Variants in MPV17L observed in about 807,000 individuals in gnomAD.
The protein encoded by MPV17L is MPV17 mitochondrial inner membrane protein like, also known as mpv17-like protein.
Under a neutral mutation model 25.8 loss-of-function variants are expected in MPV17L, and 24 were observed. That is an observed-to-expected ratio of 0.93 (90% CI 0.67 to 1.31). The LOEUF (loss-of-function observed/expected upper bound fraction) is 1.31, where lower values mean the gene tolerates loss of function less well. Ranked by LOEUF, MPV17L falls within the 50% of genes most tolerant of loss-of-function variation. MPV17L has a pLI of 0.00. For missense variants in MPV17L, 250 were observed against 265.6 expected (o/e 0.94, Z 0.41); for synonymous variants, 102 against 115.3 (o/e 0.88, Z 0.74).
rs1421654170 is a variant in MPV17L at position 15,396,114 on chromosome 16, G to T, written c.217G>T (p.Ala73Ser). Residue 73 changes from alanine (A) to serine (S), a missense_variant, in exon 1 of 4, where the codon GCG (alanine) becomes TCG (serine). Ala to Ser is a moderately conservative substitution (Grantham distance 99). Transcript: ENST00000396385. ...NYVWLRLLER[A>S]LPGRAPHALL... ...CGTGTGGCTGCGCCTGCTGGAGCGC[G>T]CGCTCCCGGGCCGAGCGCCGCACGC... is the stretch of plus-strand genomic sequence containing the variant. 2 of 1,545,274 alleles carry T rather than the reference G, an allele frequency of 1.3e-6. No homozygotes were observed. Among genetic ancestry groups the T allele is most frequent in the South Asian group, 1.2e-5 (1 of 83,944 alleles).
At chr16:15,406,240 G>A (rs540195408) in intron 2 of MPV17L, among the ~76,000 whole-genome samples, 11 of 151,288 alleles carry the variant, frequency 7.3e-5, no homozygotes, top group African/African-American at 2.4e-4. Context: ...GTATATATAC[G>A]TATATATGTA....
intron 1 of MPV17L, among the ~76,000 whole-genome samples, chr16:15,398,053 T>C (rs1235234504): frequency 6.6e-6 from 1 of 152,148 alleles, no homozygotes; most frequent in African/African-American, 2.4e-5. Context: ...TTTTCTTCTT[T>C]TTTTTTTGAG....
At chr16:15,404,962 T>G (rs966812488) in intron 2 of MPV17L, among the ~76,000 whole-genome samples, 1 of 152,148 alleles carries the variant, frequency 6.6e-6, no homozygotes, top group African/African-American at 2.4e-5. Flanking sequence ...TTTTTAGCGC[T>G]CACATGTCCC....
intron 2 of MPV17L, among the ~76,000 whole-genome samples, chr16:15,403,883 TTTA>T (rs2050659794): frequency 6.6e-6 from 1 of 152,000 alleles, no homozygotes; most frequent in Non-Finnish European, 1.5e-5. Context: ...GAAGATTTCC[TTTA>T]AAGAGGCAGG....
In MPV17L at chr16:15,401,058, G is replaced by A. The variant is rs868128904; in HGVS notation, c.381+201G>A. The stretch of plus-strand genomic sequence containing the variant: ...TCAGGATTTTTTTGTATGTGTGTGT[G>A]TATATATATATATATATATATATAT... On this transcript the variant is annotated intron_variant, in intron 2 of 3. Coordinates refer to ENST00000396385, the MANE Select transcript of MPV17L (RefSeq NM_001128423.2). 7.5e-3 allele frequency among the ~76,000 whole-genome samples: 330 copies of A among 44,264 alleles called. 5 individuals carry two copies. The highest frequency in any genetic ancestry group is 0.033 in the African/African-American group (321 of 9,676). The allele number at this position is 44,264 out of a possible 152,430, so 29.0% of individuals were successfully genotyped here. A position where few individuals can be genotyped will look rare whatever the true frequency, so the allele number is the denominator to read the frequency against.
intron 2 of MPV17L, among the ~76,000 whole-genome samples, chr16:15,407,299 C>T (rs1203954119): frequency 1.3e-5 from 2 of 151,842 alleles, no homozygotes; most frequent in Admixed American, 1.3e-4. Context: ...AGCTTTTTTC[C>T]CCACAACTCC....
intron 1 of MPV17L, among the ~76,000 whole-genome samples, chr16:15,397,320 G>C (rs1372273359): frequency 6.6e-6 from 1 of 152,178 alleles, no homozygotes. Flanking sequence ...GTAATGAGGA[G>C]AGTTAACTTG....
At chr16:15,405,608 C>T (rs1286887670) in intron 2 of MPV17L, among the ~76,000 whole-genome samples, 4 of 151,704 alleles carry the variant, frequency 2.6e-5, no homozygotes, top group African/African-American at 4.8e-5. Flanking sequence ...GCAATCACGT[C>T]CTGCTAATTT....
intron 1 of MPV17L, among the ~76,000 whole-genome samples, chr16:15,400,440 T>C (rs1274359492): frequency 1.4e-5 from 2 of 145,790 alleles, no homozygotes; most frequent in East Asian, 2.2e-4. Context: ...AGCCTCCACC[T>C]CCCAGGCTCA....
Position 15,407,853 on chromosome 16 carries a change from G to C in MPV17L, c.411G>C (p.Gln137His), listed in dbSNP as rs1232755917. Residue 137 changes from glutamine to histidine, a missense_variant and splice_region_variant, in exon 3 of 4, where the codon CAG becomes CAC. Coordinates refer to ENST00000396385, the MANE Select transcript of MPV17L (RefSeq NM_001128423.2). ...GACTGATGTACTGGCCCTTTGTACA[G>C]GTAAGTTCCACCTACTCAGTAATAT... ...LSGLMYWPFV[Q>H]LTNFSLVPVQ... 10 of 1,612,716 alleles carry C rather than the reference G, an allele frequency of 6.2e-6. No individual in the cohort carries two copies. The highest frequency in any genetic ancestry group is 8.5e-6 in the Non-Finnish European group (10 of 1,179,886).
intron 2 of MPV17L, among the ~76,000 whole-genome samples, chr16:15,404,670 A>G (rs2050665797): frequency 6.6e-6 from 1 of 152,110 alleles, no homozygotes. Context: ...AAAATACAAA[A>G]AATTAGCCAG....
At chr16:15,401,077 TATATA>T (rs1291332325) in intron 2 of MPV17L, among the ~76,000 whole-genome samples, 2,788 of 45,846 alleles carry the variant, frequency 0.061, 111 homozygotes, top group Non-Finnish European at 0.1. Context: ...TATATATATA[TATATA>T]TATATTTTTT....
At position 15,411,669 on chromosome 16, in the gene MPV17L, G is replaced by T. The variant is rs2050734842; in HGVS notation, c.*3557G>T. On this transcript the variant is annotated 3_prime_UTR_variant, in exon 4 of 4. Transcript: ENST00000396385. The stretch of plus-strand genomic sequence containing the variant: ...GAGATTTAAATAATAACAATTATAA[G>T]AAGGCTGGGCGCGGTGGCTCATGCT... 1 of 152,082 alleles carries T rather than the reference G, an allele frequency of 6.6e-6. No homozygotes were observed. Among genetic ancestry groups the T allele is most frequent in the Admixed American group, 6.6e-5 (1 of 15,252 alleles). 9.4% of individuals were successfully genotyped at this position (152,082 alleles called of 1,614,324 possible).
At chr16:15,401,056 GTGTATATA>G (rs2050630830) in intron 2 of MPV17L, among the ~76,000 whole-genome samples, 199 bp downstream of exon 2, 3 of 49,044 alleles carry the variant, frequency 6.1e-5, no homozygotes, top group East Asian at 5.8e-4. Context: ...GTATGTGTGT[GTGTATATA>G]TATATATATA....
At chr16:15,397,016 C>G (rs552915366) in intron 1 of MPV17L, among the ~76,000 whole-genome samples, 93 of 152,074 alleles carry the variant, frequency 6.1e-4, no homozygotes, top group Non-Finnish European at 1.1e-3. Flanking sequence ...CTGAAAAATA[C>G]CGGGGTTCAT....
At chr16:15,396,789 C>G (rs2050589994) in intron 1 of MPV17L, among the ~76,000 whole-genome samples, 1 of 152,080 alleles carries the variant, frequency 6.6e-6, no homozygotes, top group African/African-American at 2.4e-5. Flanking sequence ...AATTCATGCC[C>G]AGGGGCCTAG....
At chr16:15,400,992 T>G (rs1194776951) in intron 2 of MPV17L, 135 bp downstream of exon 2, 1 of 459,156 alleles carries the variant, frequency 2.2e-6, no homozygotes, top group African/African-American at 2.1e-5. Flanking sequence ...TAAGTACATA[T>G]TTTCATATAC....
At chr16:15,397,296 A>T (rs1178726233) in intron 1 of MPV17L, among the ~76,000 whole-genome samples, 1 of 152,118 alleles carries the variant, frequency 6.6e-6, no homozygotes. Flanking sequence ...TCCCGGGGTG[A>T]AGACTTTAGC....
At chr16:15,401,058 G>GTATATATATATATATATA (rs548012835) in intron 2 of MPV17L, among the ~76,000 whole-genome samples, 9 of 44,250 alleles carry the variant, frequency 2.0e-4, no homozygotes, top group Admixed American at 5.1e-4. Flanking sequence ...ATGTGTGTGT[G>GTATATATATATATATATA]TATATATATA....
Sources: allele counts gnomAD v4.1 joint callset (sites outside exome capture counted in the v4.1 genomes callset), GRCh38; gene constraint gnomAD v4.1.1; transcripts MANE v1.5; gene names NCBI Gene and HGNC (gene_info 2026-07-23, HGNC 2026-07-21).